Variants in KCTD8 observed in about 807,000 individuals in gnomAD.
KCTD8 encodes potassium channel tetramerization domain containing 8, also known as BTB/POZ domain-containing protein KCTD8.
Under a neutral mutation model 31.5 loss-of-function variants are expected in KCTD8, and 27 were observed. The ratio of observed to expected loss-of-function variants is 0.86; its 90% confidence interval spans 0.63 to 1.18. The LOEUF is 1.18. Ranked by LOEUF, KCTD8 falls within the 50% of genes most tolerant of loss-of-function variation. The probability of loss-of-function intolerance (pLI) is 0.00; values close to 1 mark genes in which losing one functional copy is unlikely to be tolerated. For synonymous variants in KCTD8, 290 were observed against 280.0 expected (o/e 1.04, Z -0.36); for missense variants, 658 against 647.7 (o/e 1.02, Z -0.17).
At chr4:44,333,446 C>T (rs1192100251) in intron 1 of KCTD8, among the ~76,000 whole-genome samples, 1 of 152,094 alleles carries the variant, frequency 6.6e-6, no homozygotes, top group Non-Finnish European at 1.5e-5. Context: ...ACTCACAACC[C>T]TCCTATGATG....
intron 1 of KCTD8, among the ~76,000 whole-genome samples, chr4:44,420,103 C>T (rs534757388): frequency 6.6e-6 from 1 of 151,262 alleles, no homozygotes; most frequent in Non-Finnish European, 1.5e-5. Context: ...AAGAAAAATC[C>T]ACCAGTTGAA....
At chr4:44,384,887 G>A (rs1416463137) in intron 1 of KCTD8, among the ~76,000 whole-genome samples, 1 of 151,508 alleles carries the variant, frequency 6.6e-6, no homozygotes, top group East Asian at 1.9e-4. Flanking sequence ...GTATCAAAAT[G>A]TCACAGGGTA....
chr4:44,215,933 GC>G (rs1577835149), intron 1 of KCTD8, among the ~76,000 whole-genome samples: 1 of 152,008 alleles, frequency 6.6e-6, no homozygotes, highest in East Asian at 1.9e-4. Context: ...GTACCTAAAG[GC>G]TAAAAATATG....
At chr4:44,366,186 A>G (rs1226158989) in intron 1 of KCTD8, among the ~76,000 whole-genome samples, 2 of 152,150 alleles carry the variant, frequency 1.3e-5, no homozygotes, top group African/African-American at 4.8e-5. Flanking sequence ...ACAAGTACCC[A>G]AGCAAACAAA....
At chr4:44,314,195 AG>A (rs1235919287) in intron 1 of KCTD8, among the ~76,000 whole-genome samples, 1 of 152,156 alleles carries the variant, frequency 6.6e-6, no homozygotes, top group Non-Finnish European at 1.5e-5. Flanking sequence ...TTCATTCATA[AG>A]GAAAAGAAGG....
rs189099449 is a variant in KCTD8 at position 44,373,532 on chromosome 4, G to C, written c.961+74031C>G. Among the ~76,000 whole-genome samples the C allele has an allele frequency of 2.0e-5, 3 of 152,066 alleles. No homozygotes were observed. In the East Asian group the frequency reaches 5.8e-4, roughly 29 times the overall value. The stretch of plus-strand genomic sequence containing the variant: ...ACCATAAGAGTACCTACCACACAGT[G>C]TCATTATGCAGATAAAATGATTTAA... On this transcript the variant is annotated intron_variant, in intron 1 of 1. Coordinates refer to ENST00000360029, the MANE Select transcript of KCTD8 (RefSeq NM_198353.3).
chr4:44,403,056 C>T (rs967514313), intron 1 of KCTD8, among the ~76,000 whole-genome samples: 45 of 152,112 alleles, frequency 3.0e-4, no homozygotes, highest in Non-Finnish European at 1.5e-4. Context: ...ACTCATTTAT[C>T]GAACATTTCA....
intron 1 of KCTD8, among the ~76,000 whole-genome samples, chr4:44,350,765 A>T (rs1719174943): frequency 2.0e-5 from 3 of 152,152 alleles, no homozygotes. Flanking sequence ...AATCAGAAAA[A>T]CTAGACTATC....
Position 44,366,123 on chromosome 4 carries a change from A to G in KCTD8, c.961+81440T>C, listed in dbSNP as rs114974813. Among the ~76,000 whole-genome samples, 535 of 152,234 alleles carry G rather than the reference A, an allele frequency of 3.5e-3. 3 individuals carry two copies. The highest frequency in any genetic ancestry group is 0.012 in the African/African-American group (505 of 41,554). ...TTGGGTGCAAAGATAGTTTGCTTTT[A>G]CTTTTGTACTTTACTTCTTAAGAAT... is the stretch of plus-strand genomic sequence containing the variant. On this transcript the variant is annotated intron_variant, in intron 1 of 1. Transcript: ENST00000360029.
In KCTD8 at chr4:44,448,416, G is replaced by A. The variant is rs756899890; in HGVS notation, c.108C>T (p.Pro36=). 6 of 1,563,956 alleles carry A rather than the reference G, an allele frequency of 3.8e-6. No homozygotes were observed. The highest frequency in any genetic ancestry group is 2.3e-5 in the East Asian group (1 of 44,052). The change falls in exon 1 of 2, where the codon CCC becomes CCT. Residue 36 remains proline (P), a synonymous_variant. Coordinates refer to ENST00000360029, the MANE Select transcript of KCTD8 (RefSeq NM_198353.3). This position sits in a 1 kb window ranked among gnomAD's most constrained non-coding sequence, Gnocchi z 4.1. ...CTTCAGGGAAGGGCGAGGGTGCGCAGGGCCCCGGGGCGGCGGCGGCCGACG... is the reference window on the plus strand; with the variant it reads ...CTTCAGGGAAGGGCGAGGGTGCGCAAGGCCCCGGGGCGGCGGCGGCCGACG... ...PGASAAAAPG[P]CAPSPFPEVV... is the part of the protein sequence containing the mutation.
intron 1 of KCTD8, among the ~76,000 whole-genome samples, chr4:44,307,207 T>C (rs1335881901): frequency 6.6e-6 from 1 of 152,012 alleles, no homozygotes; most frequent in South Asian, 2.1e-4. Flanking sequence ...AGTGAATGTT[T>C]GCTAGGGATA....
In KCTD8 at chr4:44,355,541, C is replaced by A. The variant is rs183197782; in HGVS notation, c.961+92022G>T. ...TTTTATGCATAATTTTAAAAATATT[C>A]TTTGCCATTATAGATGGTTCTAATT... On this transcript the variant is annotated intron_variant, in intron 1 of 1. Transcript: ENST00000360029. Among the ~76,000 whole-genome samples, 40 of 152,244 alleles carry A rather than the reference C, an allele frequency of 2.6e-4. 2 individuals are homozygous for A. The East Asian group carries it at 6.8e-3, about 26-fold the overall frequency.
rs146168723 is a variant in KCTD8 at position 44,448,409 on chromosome 4, G to T, written c.115C>A (p.Pro39Thr). Residue 39 changes from proline to threonine, a missense_variant, in exon 1 of 2, where the codon CCC becomes ACC. Transcript: ENST00000360029. The surrounding 1 kb of genome is among the most constrained non-coding windows in gnomAD (Gnocchi z 4.1). Reference sequence around the variant, plus strand: ...TCCACTACTTCAGGGAAGGGCGAGGGTGCGCAGGGCCCCGGGGCGGCGGCG... The same window carrying T: ...TCCACTACTTCAGGGAAGGGCGAGGTTGCGCAGGGCCCCGGGGCGGCGGCG... Reference protein sequence around the residue: ...SAAAAPGPCAPSPFPEVVELN... With the variant: ...SAAAAPGPCATSPFPEVVELN... 3.9e-5 allele frequency: 62 copies of T among 1,574,576 alleles called. No homozygotes were observed. In the African/African-American group the frequency reaches 8.0e-4, roughly 20 times the overall value.
chr4:44,194,482 C>T (rs570581852), intron 1 of KCTD8, among the ~76,000 whole-genome samples: 2 of 152,180 alleles, frequency 1.3e-5, no homozygotes, highest in African/African-American at 2.4e-5. Flanking sequence ...TTTGGAAAAG[C>T]ATACTTAATT....
chr4:44,176,880 T>TATCTATCTATCTATCC (rs1347430218), intron 1 of KCTD8, among the ~76,000 whole-genome samples: 1 of 152,010 alleles, frequency 6.6e-6, no homozygotes, highest in African/African-American at 2.4e-5. Context: ...TCTATCTATC[T>TATCTATCTATCTATCC]ATCTATCTAT....
At chr4:44,410,572 G>A (rs549379355) in intron 1 of KCTD8, among the ~76,000 whole-genome samples, 4 of 152,208 alleles carry the variant, frequency 2.6e-5, no homozygotes, top group South Asian at 2.1e-4. Context: ...ACCTGAGACT[G>A]GGCAATTTGC....
chr4:44,306,319 T>C (rs1222863993), intron 1 of KCTD8, among the ~76,000 whole-genome samples: 2 of 152,060 alleles, frequency 1.3e-5, no homozygotes, highest in Non-Finnish European at 2.9e-5. Flanking sequence ...ATTATATTTC[T>C]AGATTGGTCA....
chr4:44,376,788 C>A (rs958831607), intron 1 of KCTD8, among the ~76,000 whole-genome samples: 4 of 152,120 alleles, frequency 2.6e-5, no homozygotes, highest in Non-Finnish European at 4.4e-5. Flanking sequence ...TCAAAGATCA[C>A]TTTTGGTTTG....
At chr4:44,329,477 C>T (rs951516375) in intron 1 of KCTD8, among the ~76,000 whole-genome samples, 4 of 151,910 alleles carry the variant, frequency 2.6e-5, no homozygotes, top group African/African-American at 9.6e-5. Flanking sequence ...CCTCTGTAAG[C>T]ATTAATTTTA....
Sources: gnomAD v4.1 joint callset for allele counts (sites outside exome capture counted in the v4.1 genomes callset) on GRCh38, gnomAD v4.1.1 for gene constraint, Gnocchi (gnomAD v3.1) non-coding constraint, MANE v1.5 for transcripts, NCBI Gene and HGNC (gene_info 2026-07-23, HGNC 2026-07-21) for gene names.